ATP8B4: variants seen among roughly 807,000 people sequenced by gnomAD.
ATP8B4 encodes the protein probable phospholipid-transporting ATPase IM.
A neutral mutation model predicts 145.6 loss-of-function variants in ATP8B4; 133 were observed. The ratio of observed to expected loss-of-function variants is 0.91; its 90% CI spans 0.79 to 1.05. The LOEUF (loss-of-function observed/expected upper bound fraction) is 1.05. Among genes scored for constraint, ATP8B4 ranks in the 50% least tolerant of loss-of-function variants. The pLI, the probability that ATP8B4 is intolerant of heterozygous loss-of-function variation, is 0.00. For synonymous variants in ATP8B4, 507 were observed against 492.9 expected (o/e 1.03, Z -0.38); for missense variants, 1,458 against 1,425.2 (o/e 1.02, Z -0.37).
At chr15:49,938,634 C>A (rs181271945) in intron 14 of ATP8B4, among the ~76,000 whole-genome samples, 4 of 152,206 alleles carry the variant, frequency 2.6e-5, no homozygotes, top group Admixed American at 2.6e-4. Flanking sequence ...TACAAAAAGA[C>A]TTAGAGAGCC....
At chr15:49,877,545 T>G (rs957309906) in intron 24 of ATP8B4, among the ~76,000 whole-genome samples, 2 of 152,152 alleles carry the variant, frequency 1.3e-5, no homozygotes, top group Non-Finnish European at 2.9e-5. Flanking sequence ...AAGTCCTGTT[T>G]TTAGATGCTT....
At chr15:49,947,381 G>A (rs939871319) in intron 14 of ATP8B4, among the ~76,000 whole-genome samples, 1 of 145,050 alleles carries the variant, frequency 6.9e-6, no homozygotes, top group Non-Finnish European at 1.5e-5. Flanking sequence ...CAAGTGAGCT[G>A]AGATCTCACC....
At chr15:50,158,024 C>G (rs900325294) in intron 1 of ATP8B4, among the ~76,000 whole-genome samples, 2 of 152,208 alleles carry the variant, frequency 1.3e-5, no homozygotes, top group Non-Finnish European at 2.9e-5. Flanking sequence ...CCTGAGGTGC[C>G]GGGATTGCAG....
In ATP8B4 at chr15:49,901,151, A is replaced by G. The variant is rs775958250; in HGVS notation, c.2230T>C (p.Ser744Pro). The G allele has an allele frequency of 3.7e-6, 6 of 1,613,716 alleles. No homozygotes were observed. The highest frequency in any genetic ancestry group is 1.7e-5 in the Admixed American group (1 of 60,002). Residue 744 changes from serine to proline, a missense_variant, in exon 21 of 28, where the codon TCT becomes CCT. Physicochemically the swap from Ser to Pro is moderately conservative, Grantham distance 74. Coordinates refer to ENST00000284509, the MANE Select transcript of ATP8B4 (RefSeq NM_024837.4). ...CCTGTTATGGTTTCTTCTACAATAGAATCCAACTCCAGCTGCTGCTTTTTT... is the reference window on the plus strand; with the variant it reads ...CCTGTTATGGTTTCTTCTACAATAGGATCCAACTCCAGCTGCTGCTTTTTT... ...CEKKQQLELD[S>P]IVEETITGDY...
intron 1 of ATP8B4, among the ~76,000 whole-genome samples, chr15:50,132,792 G>T (rs544529684): frequency 6.6e-6 from 1 of 152,168 alleles, no homozygotes; most frequent in Non-Finnish European, 1.5e-5. Flanking sequence ...AAAAAAGGAT[G>T]AGTTCATGTC....
chr15:50,139,348 AC>A (rs2044176545), intron 1 of ATP8B4, among the ~76,000 whole-genome samples: 1 of 151,938 alleles, frequency 6.6e-6, no homozygotes, highest in Admixed American at 6.6e-5. Context: ...AGAAAACCAA[AC>A]ACCGCATGTT....
At chr15:50,083,023 T>C (rs1314462173) in intron 2 of ATP8B4, among the ~76,000 whole-genome samples, 1 of 152,162 alleles carries the variant, frequency 6.6e-6, no homozygotes, top group Non-Finnish European at 1.5e-5. Context: ...AAACTGCAAA[T>C]TGGTGTGTGC....
chr15:50,175,787 T>C (rs965719669), intron 1 of ATP8B4, among the ~76,000 whole-genome samples: 1 of 152,196 alleles, frequency 6.6e-6, no homozygotes, highest in Non-Finnish European at 1.5e-5. Flanking sequence ...GAAAACAGTG[T>C]GGCGATCCCT....
chr15:49,931,071 C>G (rs2041206770), intron 16 of ATP8B4, 48 bp downstream of exon 16: 2 of 1,538,014 alleles, frequency 1.3e-6, no homozygotes. Flanking sequence ...AAAAGCATAA[C>G]CACAACAGTA....
At chr15:49,899,925 A>C (rs2037832969) in intron 21 of ATP8B4, among the ~76,000 whole-genome samples, 2 of 152,150 alleles carry the variant, frequency 1.3e-5, no homozygotes, top group African/African-American at 4.8e-5. Context: ...ACTTAGAGAC[A>C]GAGAGAGAGA....
chr15:49,942,666 A>T (rs1048624932), intron 14 of ATP8B4, among the ~76,000 whole-genome samples: 24 of 152,118 alleles, frequency 1.6e-4, no homozygotes, highest in African/African-American at 5.3e-4. Context: ...CTACTAAAAA[A>T]TACAAAAAAT....
chr15:49,988,366 A>T (rs1228589717), intron 9 of ATP8B4, among the ~76,000 whole-genome samples: 7 of 152,204 alleles, frequency 4.6e-5, no homozygotes, highest in Non-Finnish European at 8.8e-5. Context: ...ATTAATATAC[A>T]TATCCACTGC....
chr15:50,004,489 C>A (rs2048159275), intron 7 of ATP8B4, among the ~76,000 whole-genome samples: 1 of 152,178 alleles, frequency 6.6e-6, no homozygotes, highest in African/African-American at 2.4e-5. Flanking sequence ...CTGACTCATC[C>A]AGTAAATCCT....
intron 1 of ATP8B4, among the ~76,000 whole-genome samples, chr15:50,157,675 T>C (rs568511060): frequency 6.6e-6 from 1 of 152,316 alleles, no homozygotes; most frequent in East Asian, 1.9e-4. Flanking sequence ...TGATAGAGAT[T>C]GCACTGAATC....
intron 2 of ATP8B4, among the ~76,000 whole-genome samples, chr15:50,089,154 A>G (rs905700394): frequency 1.3e-5 from 2 of 152,208 alleles, no homozygotes; most frequent in Non-Finnish European, 2.9e-5. Flanking sequence ...CTCAAATGTA[A>G]AACCCAAAAC....
intron 9 of ATP8B4, among the ~76,000 whole-genome samples, chr15:49,990,799 A>G (rs2046987775): frequency 1.3e-5 from 2 of 152,116 alleles, no homozygotes; most frequent in Non-Finnish European, 2.9e-5. Flanking sequence ...CTGTACTGCA[A>G]CTCTTCCATA....
chr15:49,998,731 C>T (rs2047635400), intron 8 of ATP8B4, among the ~76,000 whole-genome samples: 1 of 152,166 alleles, frequency 6.6e-6, no homozygotes, highest in South Asian at 2.1e-4. Context: ...TGTGCAGAAG[C>T]TCTTTAGTTT....
At position 49,859,972 on chromosome 15, in the gene ATP8B4, T is replaced by C; in HGVS notation, c.*222A>G. The C allele has an allele frequency of 2.0e-6, 1 of 503,956 alleles. No individual in the cohort carries two copies. Among genetic ancestry groups the C allele is most frequent in the Non-Finnish European group, 3.4e-6 (1 of 295,618 alleles). 31.2% of individuals were successfully genotyped at this position (503,956 alleles called of 1,614,324 possible). ...AATCTGTACTTGTAACAGCGAGTGTTTTGTCCACCAAATCACAAACCAGAC... is the reference window on the plus strand; with the variant it reads ...AATCTGTACTTGTAACAGCGAGTGTCTTGTCCACCAAATCACAAACCAGAC... On this transcript the variant is annotated 3_prime_UTR_variant, in exon 28 of 28. Coordinates refer to ENST00000284509, the MANE Select transcript of ATP8B4 (RefSeq NM_024837.4).
In ATP8B4 at chr15:50,015,620, C is replaced by T. The variant is rs150036696; in HGVS notation, c.363-4703G>A. Among the ~76,000 whole-genome samples, 7 of 152,328 alleles carry T rather than the reference C, an allele frequency of 4.6e-5. No individual in the cohort carries two copies. In the East Asian group the frequency reaches 1.3e-3, roughly 29 times the overall value. ...CATTTAAAACCAGTTGATCCAAAGACAGCTTGCAATCATGATCCCCTGACA... is the reference window on the plus strand; with the variant it reads ...CATTTAAAACCAGTTGATCCAAAGATAGCTTGCAATCATGATCCCCTGACA... On this transcript the variant is annotated intron_variant, in intron 6 of 27. Transcript: ENST00000284509.
Sources: gnomAD v4.1 joint callset for allele counts (sites outside exome capture counted in the v4.1 genomes callset) on GRCh38, gnomAD v4.1.1 for gene constraint, MANE v1.5 for transcripts, NCBI Gene and HGNC (gene_info 2026-07-23, HGNC 2026-07-21) for gene names.